The following UNC5A variants were observed in gnomAD, a reference collection of about 807,000 sequenced individuals.
The protein encoded by UNC5A is unc-5 netrin receptor A, also known as netrin receptor UNC5A.
In UNC5A, 20 loss-of-function variants were observed where a neutral mutation model predicts 87.4. The observed-to-expected ratio is 0.23, with a 90% CI of 0.16 to 0.33. The LOEUF (loss-of-function observed/expected upper bound fraction) is 0.33, where lower values mean the gene tolerates loss of function less well. UNC5A is among the 10% of genes least tolerant of loss of function. The pLI is 1.00. For synonymous variants in UNC5A, 438 were observed against 482.3 expected, an observed-to-expected ratio of 0.91 and a Z score of 1.20; for missense variants, 844 against 1,133.4, an observed-to-expected ratio of 0.74 and a Z score of 3.67.
At position 176,836,740 on chromosome 5, in the gene UNC5A, G is replaced by C. The variant is rs529777145; in HGVS notation, c.71-25884G>C. Reference sequence around the variant, plus strand: ...AACCGCTCCCCCAGCCCCCAGCAAAGCTCAGGAGAGGTATGTTTAAAACCA... The same window carrying C: ...AACCGCTCCCCCAGCCCCCAGCAAACCTCAGGAGAGGTATGTTTAAAACCA... On this transcript the variant is annotated intron_variant, in intron 1 of 14. Coordinates refer to ENST00000329542, the MANE Select transcript of UNC5A (RefSeq NM_133369.3). 3.3e-5 allele frequency among the ~76,000 whole-genome samples: 5 copies of C among 152,262 alleles called. No homozygotes were observed. The South Asian group carries it at 8.3e-4, about 25-fold the overall frequency.
intron 1 of UNC5A, among the ~76,000 whole-genome samples, chr5:176,822,743 C>G (rs1193740584): frequency 6.6e-6 from 1 of 152,178 alleles, no homozygotes; most frequent in Non-Finnish European, 1.5e-5. Flanking sequence ...GAGGCCAGAA[C>G]AGGAGAGGGA....
In UNC5A at chr5:176,830,744, G is replaced by T. The variant is rs575127407; in HGVS notation, c.70+19924G>T. ...GGCATGTATGTGTGGGTGTGCTGGT[G>T]TGTGTGCGCTGGCGTGTGTGTAGGT... On this transcript the variant is annotated intron_variant, in intron 1 of 14. Transcript: ENST00000329542. 4.5e-3 allele frequency among the ~76,000 whole-genome samples: 667 copies of T among 146,722 alleles called. 7 individuals are homozygous for T. The highest frequency in any genetic ancestry group is 7.8e-3 in the Non-Finnish European group (521 of 67,216).
rs1319308873 is a variant in UNC5A, at chr5:176,874,619, A to T, written c.1378+53A>T. ...AGCTCCACTTCCCTCCTGGAGGAGGACGGGACAGCCGGACGTTCCTCTCGT... is the reference window on the plus strand; with the variant it reads ...AGCTCCACTTCCCTCCTGGAGGAGGTCGGGACAGCCGGACGTTCCTCTCGT... On this transcript the variant is annotated intron_variant, in intron 8 of 14. Coordinates refer to ENST00000329542, the MANE Select transcript of UNC5A (RefSeq NM_133369.3). This position sits in a 1 kb window ranked among gnomAD's most constrained non-coding sequence, Gnocchi z 7.6. 9 of 1,484,818 alleles carry T rather than the reference A, an allele frequency of 6.1e-6. No homozygotes were observed. Among genetic ancestry groups the T allele is most frequent in the Non-Finnish European group, 8.1e-6 (9 of 1,114,164 alleles). The allele number at this position is 1,484,818 out of a possible 1,614,324, so 92.0% of individuals were successfully genotyped here. A position where few individuals can be genotyped will look rare whatever the true frequency, so the allele number is the denominator to read the frequency against.
intron 1 of UNC5A, among the ~76,000 whole-genome samples, chr5:176,836,932 C>G (rs140380376): frequency 1.3e-5 from 2 of 152,340 alleles, no homozygotes; most frequent in Non-Finnish European, 2.9e-5. Flanking sequence ...TAGGAGGCAT[C>G]TTCCTCTCTG....
At chr5:176,864,453 T>C (rs1044597018) in intron 2 of UNC5A, among the ~76,000 whole-genome samples, 7 of 152,232 alleles carry the variant, frequency 4.6e-5, no homozygotes, top group African/African-American at 1.7e-4. Flanking sequence ...GAGAACGGTT[T>C]GGAAGCTCTG....
chr5:176,829,155 AAGAT>A (rs1756926565), intron 1 of UNC5A, among the ~76,000 whole-genome samples: 15 of 123,598 alleles, frequency 1.2e-4, no homozygotes, highest in South Asian at 3.0e-4. Flanking sequence ...AAAAGAAAGA[AAGAT>A]GGATGGATGG....
chr5:176,830,663 CTG>C (rs1756987365), intron 1 of UNC5A, among the ~76,000 whole-genome samples: 1 of 101,284 alleles, frequency 9.9e-6, no homozygotes, highest in Non-Finnish European at 1.9e-5. Flanking sequence ...TGTGTGTGTG[CTG>C]GTGTGTGTGG....
intron 1 of UNC5A, among the ~76,000 whole-genome samples, chr5:176,831,881 C>CTTT (rs1757033214): frequency 9.6e-5 from 3 of 31,330 alleles, no homozygotes; most frequent in African/African-American, 1.4e-4. Context: ...CACTTTCTCT[C>CTTT]TCTCTTTTTT....
chr5:176,817,478 C>G (rs1756618862), intron 1 of UNC5A, among the ~76,000 whole-genome samples: 1 of 152,180 alleles, frequency 6.6e-6, no homozygotes, highest in Non-Finnish European at 1.5e-5. Flanking sequence ...CTGAATTAGA[C>G]TCTACCCCTC....
At chr5:176,814,055 C>T (rs1354088253) in intron 1 of UNC5A, among the ~76,000 whole-genome samples, 1 of 152,194 alleles carries the variant, frequency 6.6e-6, no homozygotes, top group Non-Finnish European at 1.5e-5. Flanking sequence ...TCACCAAGTC[C>T]TCCAGCTCGG....
At chr5:176,852,694 C>A (rs977563247) in intron 1 of UNC5A, among the ~76,000 whole-genome samples, 8 of 152,234 alleles carry the variant, frequency 5.3e-5, no homozygotes, top group Admixed American at 4.6e-4. Context: ...CCATAGGAGC[C>A]CGTCCCCCCA....
chr5:176,856,192 C>T (rs1434912099), intron 1 of UNC5A, among the ~76,000 whole-genome samples: 4 of 152,106 alleles, frequency 2.6e-5, no homozygotes, highest in Admixed American at 2.0e-4. Context: ...AAAAATAAAA[C>T]ATTTGAAAGC....
At chr5:176,852,695 C>T (rs1183998359) in intron 1 of UNC5A, among the ~76,000 whole-genome samples, 2 of 152,240 alleles carry the variant, frequency 1.3e-5, no homozygotes, top group Non-Finnish European at 2.9e-5. Context: ...CATAGGAGCC[C>T]GTCCCCCCAT....
At chr5:176,870,932 A>G (rs1052269852) in intron 6 of UNC5A, among the ~76,000 whole-genome samples, 3 of 130,778 alleles carry the variant, frequency 2.3e-5, no homozygotes, top group African/African-American at 9.0e-5. Context: ...CCCACACCAC[A>G]GCTTCCCATC....
chr5:176,853,109 G>A (rs1207423102), intron 1 of UNC5A, among the ~76,000 whole-genome samples: 3 of 152,226 alleles, frequency 2.0e-5, no homozygotes, highest in East Asian at 1.9e-4. Flanking sequence ...CGGAGGCAGC[G>A]TGTGCGGGCA....
chr5:176,826,789 C>T (rs186525904), intron 1 of UNC5A, among the ~76,000 whole-genome samples: 5 of 152,004 alleles, frequency 3.3e-5, no homozygotes, highest in East Asian at 3.9e-4. Context: ...TACAGGCGCC[C>T]GCCACCATGC....
rs557541393 is a variant in UNC5A, at chr5:176,848,921, C to T, written c.71-13703C>T. ...GTGCTGACAGGTACATCCTGCTACC[C>T]GCCCAGGTACCTGGGGCAATGGACA... On this transcript the variant is annotated intron_variant, in intron 1 of 14. Transcript: ENST00000329542. The surrounding 1 kb of genome is among the most constrained non-coding windows in gnomAD (Gnocchi z 5.8). Among the ~76,000 whole-genome samples the T allele has an allele frequency of 3.7e-4, 56 of 152,362 alleles. No homozygotes were observed. The highest frequency in any genetic ancestry group is 3.3e-3 in the South Asian group (16 of 4,824).
intron 1 of UNC5A, among the ~76,000 whole-genome samples, chr5:176,815,787 T>A (rs916154010): frequency 1.3e-5 from 2 of 152,072 alleles, no homozygotes; most frequent in African/African-American, 4.8e-5. Flanking sequence ...CAGGGGCCCC[T>A]TCTGGTTGGA....
rs1031479228 is a variant in UNC5A, at chr5:176,841,108, C to T, written c.71-21516C>T. On this transcript the variant is annotated intron_variant, in intron 1 of 14. Transcript: ENST00000329542. The surrounding 1 kb of genome is among the most constrained non-coding windows in gnomAD (Gnocchi z 4.1). Reference sequence around the variant, plus strand: ...TGGCAGGCAACGGGAGTGTCAGAAACTGTTCTCATCTCTTCAGCTAAACTT... The same window carrying T: ...TGGCAGGCAACGGGAGTGTCAGAAATTGTTCTCATCTCTTCAGCTAAACTT... Among the ~76,000 whole-genome samples, 1 of 152,266 alleles carries T rather than the reference C, an allele frequency of 6.6e-6. No homozygotes were observed.
Sources: allele counts gnomAD v4.1 joint callset (sites outside exome capture counted in the v4.1 genomes callset), GRCh38; gene constraint gnomAD v4.1.1; non-coding constraint Gnocchi (gnomAD v3.1); transcripts MANE v1.5; gene names NCBI Gene and HGNC (gene_info 2026-07-23, HGNC 2026-07-21).